Variants in OR4D9 observed in about 807,000 individuals in gnomAD.
The protein encoded by OR4D9 is olfactory receptor 4D9.
Under a neutral mutation model 0.8 loss-of-function variants are expected in OR4D9, and 2 were observed. The ratio of observed to expected loss-of-function variants is 2.58; its 90% confidence interval spans 1.06 to 8.13. OR4D9 has a LOEUF of 8.13. OR4D9 is among the 30% of genes most tolerant of loss of function. OR4D9 has a pLI of 0.04. For synonymous variants in OR4D9, 146 were observed against 151.2 expected, an observed-to-expected ratio of 0.97 and a Z score of 0.25; for missense variants, 399 against 384.7, an observed-to-expected ratio of 1.04 and a Z score of -0.31.
At chr11:59,512,871 G>C (rs1288563969) in intron 1 of OR4D9, among the ~76,000 whole-genome samples, 1 of 152,126 alleles carries the variant, frequency 6.6e-6, no homozygotes, top group Admixed American at 6.5e-5. Context: ...ACTCTCAGAT[G>C]ATAGCTGGTG....
Position 59,515,326 on chromosome 11 carries a change from G to A in OR4D9, c.414G>A (p.Arg138=). 6.2e-7 allele frequency: 1 copy of A among 1,613,702 alleles called. No homozygotes were observed. Among genetic ancestry groups the A allele is most frequent in the Non-Finnish European group, 8.5e-7 (1 of 1,179,868 alleles). Residue 138 remains arginine (R), a synonymous_variant, in exon 3 of 3, where the codon AGG becomes AGA. Transcript: ENST00000641962. Reference sequence around the variant, plus strand: ...TGCACTATATGACCATCATGAGTAGGGGGCGATGCACAGGCCTCATCGTGG... The same window carrying A: ...TGCACTATATGACCATCATGAGTAGAGGGCGATGCACAGGCCTCATCGTGG... ...KPLHYMTIMS[R]GRCTGLIVAS... is the part of the protein sequence containing the mutation.
Position 59,516,020 on chromosome 11 carries a change from G to C in OR4D9, c.*163G>C. On this transcript the variant is annotated 3_prime_UTR_variant, in exon 3 of 3. Coordinates refer to ENST00000641962, the MANE Select transcript of OR4D9 (RefSeq NM_001004711.2). ...TGTTGGGGACCACGTGGATGATACT[G>C]CTCTAAGACAAAATCCACTCAAGTC... 1.7e-6 allele frequency: 1 copy of C among 582,430 alleles called. No individual in the cohort carries two copies. The highest frequency in any genetic ancestry group is 2.5e-5 in the South Asian group (1 of 40,350). 36.1% of individuals were successfully genotyped at this position (582,430 alleles called of 1,614,324 possible).
At position 59,519,173 on chromosome 11, in the gene OR4D9, CA is replaced by C; in HGVS notation, c.*3320del. The C allele has an allele frequency of 6.6e-6, 1 of 152,180 alleles. No homozygotes were observed. Among genetic ancestry groups the C allele is most frequent in the Non-Finnish European group, 1.5e-5 (1 of 68,112 alleles). The allele number at this position is 152,180 out of a possible 1,614,324, so 9.4% of individuals were successfully genotyped here. A position where few individuals can be genotyped will look rare whatever the true frequency, so the allele number is the denominator to read the frequency against. ...TTTCAGAACAGCCTGGGCAACATGG[CA>C]AAACCCCATCTCTACAAAAAATATA... is the stretch of plus-strand genomic sequence containing the variant. On this transcript the variant is annotated 3_prime_UTR_variant, in exon 3 of 3. Transcript: ENST00000641962.
In OR4D9 at chr11:59,515,471, C is replaced by T. The variant is rs760412501; in HGVS notation, c.559C>T (p.Leu187Phe). Residue 187 changes from leucine (L) to phenylalanine (F), a missense_variant, in exon 3 of 3, where the codon CTT (leucine) becomes TTT (phenylalanine). Coordinates refer to ENST00000641962, the MANE Select transcript of OR4D9 (RefSeq NM_001004711.2). ...FYCDVPQVLK[L>F]ACTDTFTLEL... ...CTGCGATGTCCCCCAGGTCCTCAAACTTGCCTGCACTGACACCTTCACTCT... is the reference window on the plus strand; with the variant it reads ...CTGCGATGTCCCCCAGGTCCTCAAATTTGCCTGCACTGACACCTTCACTCT... 4 of 1,614,062 alleles carry T rather than the reference C, an allele frequency of 2.5e-6. No individual in the cohort carries two copies. The South Asian group carries it at 4.4e-5, about 18-fold the overall frequency.
At position 59,519,290 on chromosome 11, in the gene OR4D9, G is replaced by A. The variant is rs895253128; in HGVS notation, c.*3433G>A. 6.6e-6 allele frequency: 1 copy of A among 151,936 alleles called. No individual in the cohort carries two copies. The highest frequency in any genetic ancestry group is 1.5e-5 in the Non-Finnish European group (1 of 68,064). The allele number at this position is 151,936 out of a possible 1,614,324, so 9.4% of individuals were successfully genotyped here. On this transcript the variant is annotated 3_prime_UTR_variant, in exon 3 of 3. Coordinates refer to ENST00000641962, the MANE Select transcript of OR4D9 (RefSeq NM_001004711.2). Reference sequence around the variant, plus strand: ...ATCACTTGAGCCTGGGGAAGTCAAGGGTGCAGCGAGCCATGAATGCCCCAC... The same window carrying A: ...ATCACTTGAGCCTGGGGAAGTCAAGAGTGCAGCGAGCCATGAATGCCCCAC...
rs769664864 is a variant in OR4D9, at chr11:59,515,682, T to A, written c.770T>A (p.Val257Asp). Residue 257 changes from valine to aspartate, a missense_variant, in exon 3 of 3, where the codon GTC becomes GAC. Coordinates refer to ENST00000641962, the MANE Select transcript of OR4D9 (RefSeq NM_001004711.2). ...CTGCATTTCGTGCCCTGCATCTATG[T>A]CTATGCCCGGCCCTTCACTGCCCTC... ...VTLHFVPCIY[V>D]YARPFTALPT... is the part of the protein sequence containing the mutation. 2.5e-6 allele frequency: 4 copies of A among 1,614,188 alleles called. No individual in the cohort carries two copies. In the South Asian group the frequency reaches 4.4e-5, roughly 18 times the overall value.
Position 59,516,699 on chromosome 11 carries a change from G to A in OR4D9, c.*842G>A, listed in dbSNP as rs940154369. On this transcript the variant is annotated 3_prime_UTR_variant, in exon 3 of 3. Coordinates refer to ENST00000641962, the MANE Select transcript of OR4D9 (RefSeq NM_001004711.2). ...AATCTTAGCACTTTGGGAGGCTGAG[G>A]TGGAGGGATCACTTGAGCCCAAGAG... 6.6e-6 allele frequency: 1 copy of A among 152,130 alleles called. No homozygotes were observed. The highest frequency in any genetic ancestry group is 2.4e-5 in the African/African-American group (1 of 41,422). 9.4% of individuals were successfully genotyped at this position (152,130 alleles called of 1,614,324 possible).
intron 2 of OR4D9, 33 bp downstream of exon 2, chr11:59,514,799 T>C: frequency 1.4e-6 from 1 of 729,376 alleles, no homozygotes; most frequent in Non-Finnish European, 2.3e-6. Context: ...TTCCTCCTAA[T>C]TCTGAGCCAA....
At chr11:59,514,363 T>C (rs1055390507) in intron 1 of OR4D9, among the ~76,000 whole-genome samples, 1 of 152,242 alleles carries the variant, frequency 6.6e-6, no homozygotes, top group East Asian at 1.9e-4. Context: ...TGAAGTTGAA[T>C]TGGCATTTGG....
chr11:59,514,889 A>G lies in OR4D9; in HGVS notation c.-24A>G. 1 of 1,427,350 alleles carries G rather than the reference A, an allele frequency of 7.0e-7. No homozygotes were observed. The highest frequency in any genetic ancestry group is 2.3e-5 in the East Asian group (1 of 43,966). 88.4% of individuals were successfully genotyped at this position (1,427,350 alleles called of 1,614,324 possible). A position where few individuals can be genotyped will look rare whatever the true frequency, so the allele number is the denominator to read the frequency against. On this transcript the variant is annotated 5_prime_UTR_variant, in exon 3 of 3. Transcript: ENST00000641962. ...GCACTATTATTTCTTCCAGAGATGA[A>G]CCTGATAAAGGATCTGTGATTCAAT...
chr11:59,513,259 G>C (rs183223054), intron 1 of OR4D9, among the ~76,000 whole-genome samples: 58 of 152,172 alleles, frequency 3.8e-4, no homozygotes, highest in Non-Finnish European at 6.9e-4. Context: ...ATTTTTAGTA[G>C]AGACGGGGTT....
Position 59,515,278 on chromosome 11 carries a change from C to A in OR4D9, c.366C>A (p.Arg122=). The A allele has an allele frequency of 6.2e-7, 1 of 1,612,470 alleles. No homozygotes were observed. The highest frequency in any genetic ancestry group is 8.5e-7 in the Non-Finnish European group (1 of 1,179,360). The change falls in exon 3 of 3, where the codon CGC becomes CGA. Residue 122 remains arginine, a synonymous_variant. Coordinates refer to ENST00000641962, the MANE Select transcript of OR4D9 (RefSeq NM_001004711.2). The stretch of plus-strand genomic sequence containing the variant: ...CTCTCTCTGTGATGGCGTTTGACCG[C>A]TATATAGCCATCTCCAAGCCCCTGC... ...VFSLSVMAFD[R]YIAISKPLHY... is the part of the protein sequence containing the mutation.
chr11:59,514,989 TCTTATTTAC>T lies in OR4D9; in HGVS notation c.81_89del (p.Leu27_Thr29del). On this transcript the variant is annotated inframe_deletion, in exon 3 of 3. Transcript: ENST00000641962. ...ACTCAGTCCCGAGAACTGAGCCAGG[TCTTATTTAC>T]CTTCCTGTTTTTGGTGTACATGACA... 2 of 1,613,948 alleles carry T rather than the reference TCTTATTTAC, an allele frequency of 1.2e-6. No individual in the cohort carries two copies. The highest frequency in any genetic ancestry group is 1.7e-6 in the Non-Finnish European group (2 of 1,179,908).
In OR4D9 at chr11:59,514,823, A is replaced by G. The variant is rs950397241; in HGVS notation, c.-31+57A>G. On this transcript the variant is annotated intron_variant, in intron 2 of 2. Transcript: ENST00000641962. ...ATTCTGAGCCAAATCTTAAGTGAAA[A>G]GACAACACTAGATTTTAGGACCTAT... The G allele has an allele frequency of 1.4e-5, 12 of 877,240 alleles. No individual in the cohort carries two copies. The East Asian group carries it at 2.7e-4, about 20-fold the overall frequency. 54.3% of individuals were successfully genotyped at this position (877,240 alleles called of 1,614,324 possible).
rs551936967 is a variant in OR4D9, at chr11:59,518,251, G to C, written c.*2394G>C. The C allele has an allele frequency of 2.6e-5, 4 of 152,376 alleles. No homozygotes were observed. The South Asian group carries it at 6.2e-4, about 24-fold the overall frequency. The allele number at this position is 152,376 out of a possible 1,614,324, so 9.4% of individuals were successfully genotyped here. ...GCAGCTGGCACACATTTATCAATCA[G>C]AGTAGGCCAACCACTGCAACAAAAA... On this transcript the variant is annotated 3_prime_UTR_variant, in exon 3 of 3. Transcript: ENST00000641962.
chr11:59,512,974 A>G (rs919617499), intron 1 of OR4D9, among the ~76,000 whole-genome samples: 2 of 152,242 alleles, frequency 1.3e-5, no homozygotes, highest in African/African-American at 4.8e-5. Context: ...TAAACATGAG[A>G]TTAAAGTGTT....
In OR4D9 at chr11:59,518,073, T is replaced by C. The variant is rs768175108; in HGVS notation, c.*2216T>C. 1.3e-5 allele frequency: 2 copies of C among 152,194 alleles called. No homozygotes were observed. The highest frequency in any genetic ancestry group is 2.9e-5 in the Non-Finnish European group (2 of 68,038). 9.4% of individuals were successfully genotyped at this position (152,194 alleles called of 1,614,324 possible). A position where few individuals can be genotyped will look rare whatever the true frequency, so the allele number is the denominator to read the frequency against. ...AAAGGGTATAAAAAGCATGATAGTT[T>C]AATTAGTGAACCTGAGAATTTGCCA... On this transcript the variant is annotated 3_prime_UTR_variant, in exon 3 of 3. Transcript: ENST00000641962.
chr11:59,520,094 C>T lies in OR4D9; in HGVS notation c.*4237C>T, dbSNP rs1415439963. The stretch of plus-strand genomic sequence containing the variant: ...GGAAGAGTGTGAGGTCAGAAAACTA[C>T]CTATTAGGTACTATGCTCACTACCA... On this transcript the variant is annotated 3_prime_UTR_variant, in exon 3 of 3. Coordinates refer to ENST00000641962, the MANE Select transcript of OR4D9 (RefSeq NM_001004711.2). 6.6e-6 allele frequency: 1 copy of T among 151,812 alleles called. No homozygotes were observed. Among genetic ancestry groups the T allele is most frequent in the African/African-American group, 2.4e-5 (1 of 41,300 alleles). 9.4% of individuals were successfully genotyped at this position (151,812 alleles called of 1,614,324 possible).
In OR4D9 at chr11:59,520,004, G is replaced by A. The variant is rs551335111; in HGVS notation, c.*4147G>A. On this transcript the variant is annotated 3_prime_UTR_variant, in exon 3 of 3. Transcript: ENST00000641962. ...CACTTATGGGTGAGAGCTAACCATC[G>A]ATTTACACATGGACACAAAGATGGG... 4.6e-5 allele frequency: 7 copies of A among 152,208 alleles called. No homozygotes were observed. Among genetic ancestry groups the A allele is most frequent in the East Asian group, 3.9e-4 (2 of 5,180 alleles). 9.4% of individuals were successfully genotyped at this position (152,208 alleles called of 1,614,324 possible).
Sources: allele counts gnomAD v4.1 joint callset (sites outside exome capture counted in the v4.1 genomes callset), GRCh38; gene constraint gnomAD v4.1.1; transcripts MANE v1.5; gene names NCBI Gene and HGNC (gene_info 2026-07-23, HGNC 2026-07-21).